The following BTAF1 variants were observed in gnomAD, a reference collection of about 807,000 sequenced individuals.
BTAF1 encodes the protein B-TFIID TATA-box binding protein associated factor 1.
A neutral mutation model predicts 227.1 loss-of-function variants in BTAF1; 38 were observed. The observed-to-expected ratio is 0.17, with a 90% CI of 0.13 to 0.22. The LOEUF is 0.22. Ranked by LOEUF, BTAF1 falls within the 10% of genes least tolerant of loss-of-function variation. The probability of loss-of-function intolerance (pLI) is 1.00; values close to 1 mark genes in which losing one functional copy is unlikely to be tolerated. For missense variants in BTAF1, 1,598 were observed against 2,204.0 expected, an observed-to-expected ratio of 0.73 and a Z score of 5.51; for synonymous variants, 742 against 751.9, an observed-to-expected ratio of 0.99 and a Z score of 0.21.
rs938250178 is a variant in BTAF1 at position 92,009,125 on chromosome 10, TTGGG to T, written c.4024_4027del (p.Val1342MetfsTer3). 6.2e-7 allele frequency: 1 copy of T among 1,613,960 alleles called. No homozygotes were observed. The highest frequency in any genetic ancestry group is 8.5e-7 in the Non-Finnish European group (1 of 1,179,988). ...TTTGTCCGCCAACATTAACAGGCCA[TTGGG>T]TGGATGAAGTAGGTAAATTTTGCTC... On this transcript the variant is annotated frameshift_variant, in exon 28 of 38. Coordinates refer to ENST00000265990, the MANE Select transcript of BTAF1 (RefSeq NM_003972.3). LOFTEE classifies it high-confidence loss of function.
chr10:92,019,482 A>C (rs1350369873), intron 34 of BTAF1, among the ~76,000 whole-genome samples: 1 of 152,204 alleles, frequency 6.6e-6, no homozygotes, highest in Non-Finnish European at 1.5e-5. Context: ...GCTTACAAGT[A>C]TCTATCTGAG....
At chr10:91,976,805 G>A (rs189548557) in intron 14 of BTAF1, among the ~76,000 whole-genome samples, 14 of 152,246 alleles carry the variant, frequency 9.2e-5, no homozygotes, top group East Asian at 3.9e-4. Context: ...CTATGGGCTC[G>A]AACAATTTTC....
chr10:91,966,080 T>G (rs894074212), intron 13 of BTAF1, among the ~76,000 whole-genome samples: 1 of 152,220 alleles, frequency 6.6e-6, no homozygotes, highest in Non-Finnish European at 1.5e-5. Flanking sequence ...CATTTAAAAC[T>G]TAATCTATGA....
intron 33 of BTAF1, among the ~76,000 whole-genome samples, chr10:92,017,220 A>G (rs1017046833): frequency 4.6e-5 from 7 of 152,226 alleles, no homozygotes; most frequent in Admixed American, 6.5e-5. Flanking sequence ...TCGAGGGGCT[A>G]GGGACTGCCT....
chr10:91,984,553 A>G (rs1304192579), intron 19 of BTAF1, 149 bp downstream of exon 19: 1 of 692,294 alleles, frequency 1.4e-6, no homozygotes. Flanking sequence ...GAGAAAGGTT[A>G]TTTCATTGTA....
chr10:91,967,506 G>T (rs892496284), intron 14 of BTAF1, among the ~76,000 whole-genome samples: 1 of 152,186 alleles, frequency 6.6e-6, no homozygotes, highest in Non-Finnish European at 1.5e-5. Flanking sequence ...GTGAATAAGT[G>T]CCTCTTTTGT....
chr10:91,948,199 C>G (rs1254805690), intron 4 of BTAF1, among the ~76,000 whole-genome samples: 1 of 141,850 alleles, frequency 7.0e-6, no homozygotes, highest in Non-Finnish European at 1.6e-5. Flanking sequence ...CGACGTTCCT[C>G]CCCCTGTGTC....
At chr10:91,932,148 T>C (rs1844314444) in intron 1 of BTAF1, among the ~76,000 whole-genome samples, 1 of 152,134 alleles carries the variant, frequency 6.6e-6, no homozygotes, top group Admixed American at 6.5e-5. Context: ...TCTAAGGTCT[T>C]TGGGCAGGAG....
rs1848114156 is a variant in BTAF1, at chr10:91,982,230, G to C, written c.2048+5G>C. ...GGCCAGAATGATGGCAGCCAAGTGA[G>C]TGTACATTAAGTGTCAGGTAGTCAT... On this transcript the variant is annotated splice_donor_5th_base_variant and intron_variant, in intron 17 of 37. Transcript: ENST00000265990. 6.2e-7 allele frequency: 1 copy of C among 1,613,762 alleles called. No homozygotes were observed. Among genetic ancestry groups the C allele is most frequent in the African/African-American group, 1.3e-5 (1 of 74,910 alleles).
intron 22 of BTAF1, among the ~76,000 whole-genome samples, 169 bp downstream of exon 22, chr10:91,994,016 A>G (rs1227585523): frequency 6.6e-6 from 1 of 152,226 alleles, no homozygotes; most frequent in Non-Finnish European, 1.5e-5. Flanking sequence ...CCTTTATTTT[A>G]TAAAAGAGAT....
At chr10:91,991,265 A>AATATATATATATATATATATTTAT (rs375232605) in intron 20 of BTAF1, among the ~76,000 whole-genome samples, 1 of 90,088 alleles carries the variant, frequency 1.1e-5, no homozygotes, top group African/African-American at 3.3e-5. Flanking sequence ...TATAAATATA[A>AATATATATATATATATATATTTAT]ATATAAATAT....
intron 25 of BTAF1, among the ~76,000 whole-genome samples, chr10:92,001,985 TACACAC>T (rs71025380): frequency 0.021 from 1,523 of 73,308 alleles, 43 homozygotes; most frequent in African/African-American, 0.059. Context: ...TATATATATA[TACACAC>T]ACACACACAC....
At chr10:91,966,873 A>G (rs1589830236) in intron 14 of BTAF1, 116 bp downstream of exon 14, 1 of 903,064 alleles carries the variant, frequency 1.1e-6, no homozygotes, top group East Asian at 2.7e-5. Flanking sequence ...TGTTGGGCCT[A>G]GTGGTATGGT....
chr10:91,953,300 T>C, intron 5 of BTAF1, among the ~76,000 whole-genome samples: 1 of 152,178 alleles, frequency 6.6e-6, no homozygotes, highest in East Asian at 1.9e-4. Flanking sequence ...ATGAGCTAAG[T>C]TGGACTATAG....
intron 34 of BTAF1, 70 bp from the exon 35 acceptor site, chr10:92,024,686 A>G: frequency 8.3e-7 from 1 of 1,207,176 alleles, no homozygotes; most frequent in East Asian, 2.4e-5. Flanking sequence ...ACAGAGAGGA[A>G]TGTCACAGTG....
At chr10:91,958,793 G>A (rs775496213) in intron 8 of BTAF1, among the ~76,000 whole-genome samples, 8 of 152,206 alleles carry the variant, frequency 5.3e-5, no homozygotes, top group Non-Finnish European at 1.0e-4. Flanking sequence ...GAGGATAAGG[G>A]AGTGAAAGCA....
At chr10:92,012,735 C>T (rs1156345434) in intron 30 of BTAF1, among the ~76,000 whole-genome samples, 1 of 123,784 alleles carries the variant, frequency 8.1e-6, no homozygotes, top group Non-Finnish European at 1.6e-5. Flanking sequence ...CGTGCCATTG[C>T]ACTGCAGCCT....
At chr10:92,022,401 A>G (rs989758697) in intron 34 of BTAF1, among the ~76,000 whole-genome samples, 23 of 152,174 alleles carry the variant, frequency 1.5e-4, no homozygotes, top group Admixed American at 1.2e-3. Flanking sequence ...GGATCTGTAT[A>G]GGATGTCACA....
intron 14 of BTAF1, among the ~76,000 whole-genome samples, chr10:91,978,395 GA>G (rs1046463865): frequency 1.3e-5 from 2 of 152,042 alleles, no homozygotes; most frequent in African/African-American, 4.8e-5. Context: ...ATTTTGGGGG[GA>G]AAATCAGAAA....
Sources: gnomAD v4.1 joint callset for allele counts (sites outside exome capture counted in the v4.1 genomes callset) on GRCh38, gnomAD v4.1.1 for gene constraint, MANE v1.5 for transcripts, NCBI Gene and HGNC (gene_info 2026-07-23, HGNC 2026-07-21) for gene names.